Variants in FSIP1 observed in about 807,000 individuals in gnomAD.
The protein encoded by FSIP1 is fibrous sheath interacting protein 1.
A neutral mutation model predicts 60.9 loss-of-function variants in FSIP1; 65 were observed. The observed-to-expected ratio is 1.07, with a 90% CI of 0.87 to 1.31. FSIP1 has a LOEUF of 1.31. Among genes scored for constraint, FSIP1 ranks in the 40% most tolerant of loss-of-function variants. FSIP1 has a pLI of 0.00. For synonymous variants in FSIP1, 209 were observed against 221.2 expected (o/e 0.94, Z 0.49); for missense variants, 675 against 665.5 (o/e 1.01, Z -0.16).
At chr15:39,650,200 A>T (rs973356935) in intron 10 of FSIP1, among the ~76,000 whole-genome samples, 1 of 152,234 alleles carries the variant, frequency 6.6e-6, no homozygotes, top group Non-Finnish European at 1.5e-5. Flanking sequence ...ATAAGCTACC[A>T]TCAGTTGTGA....
chr15:39,720,973 T>C (rs1360620027), intron 9 of FSIP1, among the ~76,000 whole-genome samples: 12 of 152,252 alleles, frequency 7.9e-5, no homozygotes, highest in Admixed American at 7.9e-4. Flanking sequence ...CTTTTGACTG[T>C]GACCACAAGC....
chr15:39,683,124 C>G (rs1302746962), intron 10 of FSIP1, among the ~76,000 whole-genome samples: 1 of 152,074 alleles, frequency 6.6e-6, no homozygotes, highest in Non-Finnish European at 1.5e-5. Flanking sequence ...GGTCACTAGC[C>G]CAGTGAGCCA....
chr15:39,649,172 G>C (rs1731693830), intron 10 of FSIP1, among the ~76,000 whole-genome samples: 1 of 152,200 alleles, frequency 6.6e-6, no homozygotes, highest in African/African-American at 2.4e-5. Context: ...GCTGGAATAA[G>C]ATGTATAAGG....
At chr15:39,718,806 A>T (rs1461083371) in intron 9 of FSIP1, among the ~76,000 whole-genome samples, 9 of 152,054 alleles carry the variant, frequency 5.9e-5, no homozygotes, top group Non-Finnish European at 1.3e-4. Flanking sequence ...TTTTTAATAA[A>T]CTTTTCTGCC....
At chr15:39,683,700 T>G (rs1304551959) in intron 10 of FSIP1, among the ~76,000 whole-genome samples, 1 of 152,164 alleles carries the variant, frequency 6.6e-6, no homozygotes, top group Non-Finnish European at 1.5e-5. Flanking sequence ...GAAAATAATT[T>G]CTAGAACTAA....
intron 10 of FSIP1, among the ~76,000 whole-genome samples, chr15:39,635,435 C>T (rs1479267248): frequency 1.3e-5 from 2 of 152,060 alleles, no homozygotes; most frequent in African/African-American, 4.8e-5. Flanking sequence ...ACACATGTTC[C>T]AGTAATCTCT....
chr15:39,781,382 T>G (rs1001698641), intron 1 of FSIP1, among the ~76,000 whole-genome samples: 1 of 152,158 alleles, frequency 6.6e-6, no homozygotes. Context: ...CAATGCAAAA[T>G]CATCACTTTT....
At chr15:39,760,695 G>A (rs973444888) in intron 5 of FSIP1, among the ~76,000 whole-genome samples, 1 of 152,104 alleles carries the variant, frequency 6.6e-6, no homozygotes, top group African/African-American at 2.4e-5. Context: ...ACATGACAAC[G>A]AAATGTAACA....
intron 11 of FSIP1, among the ~76,000 whole-genome samples, chr15:39,611,995 C>G (rs974620061): frequency 6.6e-6 from 1 of 152,146 alleles, no homozygotes; most frequent in Non-Finnish European, 1.5e-5. Context: ...ACACCCAACA[C>G]TGGAACACCT....
Position 39,765,644 on chromosome 15 carries a change from T to G in FSIP1, c.413A>C (p.Glu138Ala). Residue 138 changes from glutamate to alanine, a missense_variant, in exon 4 of 12, where the codon GAA becomes GCA. Coordinates refer to ENST00000350221, the MANE Select transcript of FSIP1 (RefSeq NM_152597.5). ...ILAKKQRREKEIKKQGLEMRI... is the reference protein window; with the variant it reads ...ILAKKQRREKAIKKQGLEMRI... ...CATTTCTAGACCTTGCTTCTTAATT[T>G]CTTTTTCTCTGCGTTGTTTCTTTGC... The G allele has an allele frequency of 6.2e-7, 1 of 1,606,066 alleles. No individual in the cohort carries two copies. The highest frequency in any genetic ancestry group is 8.5e-7 in the Non-Finnish European group (1 of 1,176,896).
At chr15:39,697,320 G>T (rs1894860856) in intron 10 of FSIP1, among the ~76,000 whole-genome samples, 2 of 152,114 alleles carry the variant, frequency 1.3e-5, no homozygotes, top group Non-Finnish European at 2.9e-5. Context: ...ATATTCTCTA[G>T]TACTTCCCAG....
chr15:39,642,403 C>T (rs565883682), intron 10 of FSIP1, among the ~76,000 whole-genome samples: 6 of 152,310 alleles, frequency 3.9e-5, no homozygotes, highest in African/African-American at 1.4e-4. Flanking sequence ...GCAGGGCTGA[C>T]ATACATGAGT....
chr15:39,755,844 T>C (rs1299036067), intron 5 of FSIP1, among the ~76,000 whole-genome samples: 1 of 152,166 alleles, frequency 6.6e-6, no homozygotes, highest in Non-Finnish European at 1.5e-5. Context: ...ACAAAAAGAA[T>C]AACCTCTATC....
At chr15:39,667,551 C>A (rs984883171) in intron 10 of FSIP1, among the ~76,000 whole-genome samples, 3 of 152,150 alleles carry the variant, frequency 2.0e-5, no homozygotes, top group African/African-American at 7.2e-5. Flanking sequence ...CAACTGTAAG[C>A]CGAAACAGAC....
intron 10 of FSIP1, among the ~76,000 whole-genome samples, chr15:39,701,384 A>G (rs1895053639): frequency 6.6e-6 from 1 of 152,214 alleles, no homozygotes; most frequent in Non-Finnish European, 1.5e-5. Flanking sequence ...TGTGATTATA[A>G]TGTATCTCTT....
At chr15:39,629,141 G>C (rs566307282) in intron 10 of FSIP1, among the ~76,000 whole-genome samples, 2 of 152,038 alleles carry the variant, frequency 1.3e-5, no homozygotes, top group African/African-American at 4.8e-5. Flanking sequence ...CTTTATGGAC[G>C]ATCTCACAAC....
intron 10 of FSIP1, among the ~76,000 whole-genome samples, chr15:39,623,253 T>G (rs1360454089): frequency 6.6e-6 from 1 of 152,230 alleles, no homozygotes; most frequent in Middle Eastern, 3.2e-3. Flanking sequence ...GGCAATGGAT[T>G]TCTTGACAAG....
intron 2 of FSIP1, among the ~76,000 whole-genome samples, chr15:39,772,646 AGTG>A (rs1897928008): frequency 6.6e-6 from 1 of 151,234 alleles, no homozygotes; most frequent in Non-Finnish European, 1.5e-5. Flanking sequence ...GCTGGAGTGC[AGTG>A]GTGCGATATC....
Position 39,738,091 on chromosome 15 carries a change from C to T in FSIP1, c.891G>A (p.Glu297=). Residue 297 remains glutamate, a splice_region_variant and synonymous_variant, in exon 8 of 12, where the codon GAG becomes GAA. Transcript: ENST00000350221. Reference sequence around the variant, plus strand: ...GTGTTCCCTATCAGAGTTTACGTACCTCAGAACTGGAGAGCCCGGAATCTT... The same window carrying T: ...GTGTTCCCTATCAGAGTTTACGTACTTCAGAACTGGAGAGCCCGGAATCTT... ...DEKDSGLSSS[E]GDQSGWVVPV... 1 of 1,589,858 alleles carries T rather than the reference C, an allele frequency of 6.3e-7. No homozygotes were observed. Among genetic ancestry groups the T allele is most frequent in the Non-Finnish European group, 8.6e-7 (1 of 1,161,102 alleles).
Sources: gnomAD v4.1 joint callset for allele counts (sites outside exome capture counted in the v4.1 genomes callset) on GRCh38, gnomAD v4.1.1 for gene constraint, MANE v1.5 for transcripts, NCBI Gene and HGNC (gene_info 2026-07-23, HGNC 2026-07-21) for gene names.